The following RBMS3 variants were observed in gnomAD, a reference collection of about 807,000 sequenced individuals.
RBMS3 encodes RNA-binding motif, single-stranded-interacting protein 3.
Under a neutral mutation model 66.8 loss-of-function variants are expected in RBMS3, and 27 were observed. The ratio of observed to expected loss-of-function variants is 0.40; its 90% CI spans 0.30 to 0.56. The LOEUF (loss-of-function observed/expected upper bound fraction) is 0.56, where lower values mean the gene tolerates loss of function less well. Ranked by LOEUF, RBMS3 falls within the 20% of genes least tolerant of loss-of-function variation. The pLI, the probability that RBMS3 is intolerant of heterozygous loss-of-function variation, is 0.40. For missense variants in RBMS3, 513 were observed against 549.5 expected, an observed-to-expected ratio of 0.93 and a Z score of 0.66; for synonymous variants, 188 against 183.0, an observed-to-expected ratio of 1.03 and a Z score of -0.22.
At chr3:29,560,680 C>CG (rs1382851616) in intron 3 of RBMS3, among the ~76,000 whole-genome samples, 3 of 152,148 alleles carry the variant, frequency 2.0e-5, no homozygotes, top group Non-Finnish European at 4.4e-5. Flanking sequence ...AAGAAGAATC[C>CG]GGGGGTGACT....
At chr3:29,705,696 C>G (rs905114455) in intron 4 of RBMS3, among the ~76,000 whole-genome samples, 1 of 152,134 alleles carries the variant, frequency 6.6e-6, no homozygotes, top group African/African-American at 2.4e-5. Context: ...CCTATGCAAC[C>G]TCAATTCACG....
intron 4 of RBMS3, among the ~76,000 whole-genome samples, chr3:29,709,004 C>T (rs1402749821): frequency 9.2e-5 from 14 of 152,238 alleles, no homozygotes; most frequent in African/African-American, 2.9e-4. Flanking sequence ...CCGTCTCAGC[C>T]CAACTCAGTT....
At chr3:29,805,501 G>A (rs7626549) in intron 6 of RBMS3, among the ~76,000 whole-genome samples, 85,718 of 151,814 alleles carry the variant, frequency 0.56, 24,814 homozygotes, top group African/African-American at 0.61. Context: ...TGACAGCTCT[G>A]TGTATGTTAC....
chr3:29,502,109 G>A (rs2053283), intron 3 of RBMS3, among the ~76,000 whole-genome samples: 19,962 of 151,858 alleles, frequency 0.13, 1,932 homozygotes, highest in African/African-American at 0.27. Flanking sequence ...CTTTTAGCGG[G>A]ACCTAAACTA....
chr3:29,590,977 G>A (rs1057409099), intron 4 of RBMS3, among the ~76,000 whole-genome samples: 4 of 152,118 alleles, frequency 2.6e-5, no homozygotes, highest in African/African-American at 4.8e-5. Flanking sequence ...GAGCAGTATG[G>A]CTGATTTTGT....
At chr3:29,348,803 G>A (rs2036735345) in intron 1 of RBMS3, among the ~76,000 whole-genome samples, 1 of 152,144 alleles carries the variant, frequency 6.6e-6, no homozygotes, top group Non-Finnish European at 1.5e-5. Context: ...AAATTAGAAT[G>A]TGCAGCTCCC....
At chr3:29,774,823 T>C (rs1229711215) in intron 6 of RBMS3, among the ~76,000 whole-genome samples, 1 of 152,084 alleles carries the variant, frequency 6.6e-6, no homozygotes, top group Non-Finnish European at 1.5e-5. Context: ...TTCTCTTTTT[T>C]ATTCTGTTTT....
chr3:29,737,744 A>G, intron 4 of RBMS3, among the ~76,000 whole-genome samples: 1 of 152,224 alleles, frequency 6.6e-6, no homozygotes, highest in Middle Eastern at 3.4e-3. Flanking sequence ...AAAACCATTT[A>G]AAGAATAATA....
At chr3:29,938,164 A>G (rs1485104587) in intron 11 of RBMS3, among the ~76,000 whole-genome samples, 1 of 151,932 alleles carries the variant, frequency 6.6e-6, no homozygotes, top group Non-Finnish European at 1.5e-5. Context: ...ATAAGCTAAA[A>G]GACACAGAAC....
At chr3:29,659,625 C>T (rs1000660884) in intron 4 of RBMS3, among the ~76,000 whole-genome samples, 2 of 152,144 alleles carry the variant, frequency 1.3e-5, no homozygotes, top group Non-Finnish European at 1.5e-5. Flanking sequence ...ATCCATTCAT[C>T]AGTCAATAGA....
intron 6 of RBMS3, among the ~76,000 whole-genome samples, chr3:29,772,366 C>T (rs571247159): frequency 7.2e-5 from 11 of 152,062 alleles, no homozygotes; most frequent in East Asian, 1.9e-4. Context: ...TTGTATTCAC[C>T]GACTATCATC....
chr3:29,323,060 G>C (rs982583467), intron 1 of RBMS3, among the ~76,000 whole-genome samples: 3 of 152,108 alleles, frequency 2.0e-5, no homozygotes, highest in Non-Finnish European at 4.4e-5. Context: ...CAACCAAGTA[G>C]AAGTTGGTGC....
intron 4 of RBMS3, among the ~76,000 whole-genome samples, chr3:29,718,888 A>G (rs1191369647): frequency 6.6e-6 from 1 of 152,188 alleles, no homozygotes; most frequent in Non-Finnish European, 1.5e-5. Flanking sequence ...CAGTACATGC[A>G]CACATTCTTT....
At chr3:29,596,513 T>C (rs938909306) in intron 4 of RBMS3, among the ~76,000 whole-genome samples, 4 of 152,222 alleles carry the variant, frequency 2.6e-5, no homozygotes, top group African/African-American at 9.6e-5. Flanking sequence ...AATTATTATC[T>C]CATTTAATTC....
At chr3:29,802,140 C>T (rs190377591) in intron 6 of RBMS3, among the ~76,000 whole-genome samples, 1 of 152,160 alleles carries the variant, frequency 6.6e-6, no homozygotes, top group Admixed American at 6.6e-5. Flanking sequence ...CACTCTTGCT[C>T]TACTGTTAAA....
chr3:29,666,839 C>G (rs17024102), intron 4 of RBMS3, among the ~76,000 whole-genome samples: 2 of 151,866 alleles, frequency 1.3e-5, no homozygotes, highest in Non-Finnish European at 2.9e-5. Context: ...TGGGAATGAG[C>G]TTATCACAGT....
chr3:29,490,712 G>C (rs146461505), intron 3 of RBMS3, among the ~76,000 whole-genome samples: 95 of 152,212 alleles, frequency 6.2e-4, no homozygotes, highest in African/African-American at 2.2e-3. Context: ...AGTGAATTAG[G>C]GTGGGCAGTT....
intron 2 of RBMS3, among the ~76,000 whole-genome samples, chr3:29,443,551 T>C (rs888396096): frequency 6.6e-6 from 1 of 152,144 alleles, no homozygotes; most frequent in Non-Finnish European, 1.5e-5. Context: ...GCAGATAATA[T>C]TCAGAAATAA....
chr3:29,667,851 A>C (rs2050829278), intron 4 of RBMS3, among the ~76,000 whole-genome samples: 1 of 152,174 alleles, frequency 6.6e-6, no homozygotes, highest in Non-Finnish European at 1.5e-5. Flanking sequence ...GTCAGGATGA[A>C]AAATCATATT....
Sources: gnomAD v4.1 joint callset for allele counts (sites outside exome capture counted in the v4.1 genomes callset) on GRCh38, gnomAD v4.1.1 for gene constraint, MANE v1.5 for transcripts, NCBI Gene and HGNC (gene_info 2026-07-23, HGNC 2026-07-21) for gene names.